Variants in USP9Y observed in about 807,000 individuals in gnomAD.
USP9Y encodes the protein ubiquitin carboxyl-terminal hydrolase 9Y.
In USP9Y, 41 loss-of-function variants were observed where a neutral mutation model predicts 53.1. The ratio of observed to expected loss-of-function variants is 0.77; its 90% CI spans 0.60 to 1.00. The LOEUF (loss-of-function observed/expected upper bound fraction) is 1.00. USP9Y is among the 50% of genes least tolerant of loss of function. The pLI, the probability that USP9Y is intolerant of heterozygous loss-of-function variation, is 0.00. For synonymous variants in USP9Y, 220 were observed against 173.7 expected, an observed-to-expected ratio of 1.27 and a Z score of -2.09; for missense variants, 567 against 535.8, an observed-to-expected ratio of 1.06 and a Z score of -0.58.
intron 22 of USP9Y, among the ~76,000 whole-genome samples, chrY:12,782,863 T>C: frequency 2.9e-5 from 1 of 33,957 alleles, no homozygotes; most frequent in African/African-American, 1.1e-4. Context: ...CTTAGCTCCA[T>C]GTTCTAGGTA....
chrY:12,809,413 A>T, intron 27 of USP9Y, among the ~76,000 whole-genome samples: 1 of 32,746 alleles, frequency 3.1e-5, no homozygotes, highest in South Asian at 7.1e-4. Flanking sequence ...CATAAATAGG[A>T]GGGACTTTTA....
intron 7 of USP9Y, among the ~76,000 whole-genome samples, chrY:12,732,701 G>A: frequency 3.2e-5 from 1 of 30,886 alleles, no homozygotes; most frequent in South Asian, 7.7e-4. Flanking sequence ...TGGTCAGGCT[G>A]GTCTTGAACT....
intron 12 of USP9Y, among the ~76,000 whole-genome samples, chrY:12,750,590 T>C: frequency 3.0e-5 from 1 of 33,617 alleles, no homozygotes; most frequent in Admixed American, 2.7e-4. Flanking sequence ...TCCTAGTTTA[T>C]TGAGTATTTT....
At chrY:12,716,330 A>C in intron 3 of USP9Y, among the ~76,000 whole-genome samples, 1 of 34,029 alleles carries the variant, frequency 2.9e-5, no homozygotes, top group Admixed American at 2.6e-4. Context: ...CTTGAATGAA[A>C]TGTTTTGTGG....
intron 33 of USP9Y, among the ~76,000 whole-genome samples, chrY:12,831,486 G>A: frequency 3.0e-5 from 1 of 33,198 alleles, no homozygotes; most frequent in African/African-American, 1.2e-4. Context: ...AAGTACAGCC[G>A]GGTGTGGTGG....
At chrY:12,759,594 G>T (rs2053472914) in intron 14 of USP9Y, among the ~76,000 whole-genome samples, 1 of 32,302 alleles carries the variant, frequency 3.1e-5, no homozygotes, top group African/African-American at 1.2e-4. Context: ...CTACTTGGGA[G>T]GCTGAGGCAG....
chrY:12,727,626 G>T (rs2053443874), intron 7 of USP9Y, among the ~76,000 whole-genome samples: 1 of 31,770 alleles, frequency 3.1e-5, no homozygotes, highest in East Asian at 8.2e-4. Flanking sequence ...AATATTTAGC[G>T]CATGAAAAAA....
At chrY:12,839,781 A>T in intron 35 of USP9Y, 83 bp from the exon 36 acceptor site, 1 of 289,249 alleles carries the variant, frequency 3.5e-6, no homozygotes, top group Non-Finnish European at 5.2e-6. Flanking sequence ...AATAGACTGT[A>T]AACTTTAAAA....
chrY:12,831,279 T>G lies in USP9Y; in HGVS notation c.5022-2409T>G, dbSNP rs779379012. On this transcript the variant is annotated intron_variant, in intron 33 of 45. Coordinates refer to ENST00000338981, the MANE Select transcript of USP9Y (RefSeq NM_004654.4). ...GAGGTACATATAAAAATGTTCAATA[T>G]TACTAATCATAAAGGCAATGCACAA... Among the ~76,000 whole-genome samples the G allele has an allele frequency of 1.2e-4, 4 of 33,580 alleles. No homozygotes were observed. The South Asian group carries it at 2.6e-3, about 22-fold the overall frequency. The allele number at this position is 33,580 out of a possible 37,273, so 90.1% of individuals were successfully genotyped here. A position where few individuals can be genotyped will look rare whatever the true frequency, so the allele number is the denominator to read the frequency against.
intron 36 of USP9Y, 54 bp downstream of exon 36, chrY:12,840,668 A>C (rs2053560250): frequency 6.5e-5 from 22 of 339,761 alleles, no homozygotes; most frequent in African/African-American, 1.4e-4. Context: ...TTTGGCTTCT[A>C]GGATACCTTA....
chrY:12,776,851 C>G lies in USP9Y; in HGVS notation c.2630C>G (p.Pro877Arg), dbSNP rs745827535. The change falls in exon 19 of 46, where the codon CCT becomes CGT. Residue 877 changes from proline (P) to arginine (R), a missense_variant. By Grantham distance (103) the Pro-to-Arg change is moderately radical (BLOSUM62 -2). Transcript: ENST00000338981. ...SDYHKERMIL[P>R]MSRAFRGKHL... Reference sequence around the variant, plus strand: ...TATCACAAGGAAAGAATGATTCTACCTATGTCGAGGTTTGTGTGAAGTTGA... The same window carrying G: ...TATCACAAGGAAAGAATGATTCTACGTATGTCGAGGTTTGTGTGAAGTTGA... 5.1e-6 allele frequency: 2 copies of G among 393,531 alleles called. No individual in the cohort carries two copies. Among genetic ancestry groups the G allele is most frequent in the Non-Finnish European group, 7.2e-6 (2 of 279,118 alleles).
intron 7 of USP9Y, among the ~76,000 whole-genome samples, chrY:12,732,855 CT>C: frequency 3.1e-5 from 1 of 32,715 alleles, no homozygotes; most frequent in Non-Finnish European, 7.5e-5. Flanking sequence ...TTCTAATTTT[CT>C]TTAGCCTCCT....
At chrY:12,835,626 A>T in intron 34 of USP9Y, among the ~76,000 whole-genome samples, 1 of 32,877 alleles carries the variant, frequency 3.0e-5, no homozygotes, top group Non-Finnish European at 7.5e-5. Context: ...CAGCTTGACC[A>T]GTATAGTAAA....
chrY:12,729,496 A>G (rs2053445573), intron 7 of USP9Y, among the ~76,000 whole-genome samples: 1 of 32,332 alleles, frequency 3.1e-5, no homozygotes, highest in Non-Finnish European at 7.5e-5. Context: ...GCTAGAGTGC[A>G]GTGGTGTGAT....
At chrY:12,797,249 G>A (rs984080776) in intron 27 of USP9Y, among the ~76,000 whole-genome samples, 1 of 33,243 alleles carries the variant, frequency 3.0e-5, no homozygotes, top group Admixed American at 2.7e-4. Flanking sequence ...CCCATGGCCC[G>A]TGACACAGCC....
Position 12,840,276 on chromosome Y carries a change from A to T in USP9Y, c.5750A>T (p.Glu1917Val). The change falls in exon 36 of 46, where the codon GAA (glutamate) becomes GTA (valine). Residue 1917 changes from glutamate to valine, a missense_variant. Glu to Val is a moderately radical substitution (Grantham distance 121). Coordinates refer to ENST00000338981, the MANE Select transcript of USP9Y (RefSeq NM_004654.4). The part of the protein sequence containing the change: ...VTECKMDDDE[E>V]MKNQCFGGEY... ...GAATGCAAAATGGATGATGATGAAG[A>T]AATGAAAAATCAGTGTTTTGGTGGA... 2.5e-6 allele frequency: 1 copy of T among 398,863 alleles called. No individual in the cohort carries two copies. The highest frequency in any genetic ancestry group is 3.0e-5 in the South Asian group (1 of 33,788).
chrY:12,846,493 A>G lies in USP9Y; in HGVS notation c.6729A>G (p.Ser2243=). The G allele has an allele frequency of 2.5e-6, 1 of 398,297 alleles. No individual in the cohort carries two copies. The highest frequency in any genetic ancestry group is 3.5e-6 in the Non-Finnish European group (1 of 283,064). The part of the protein sequence containing the change: ...VSQLIRCCNV[S]STMQSSINGN... ...AGCTGATTCGTTGTTGCAATGTGTCATCAACAATGCAGTCTTCAATCAATG... is the reference window on the plus strand; with the variant it reads ...AGCTGATTCGTTGTTGCAATGTGTCGTCAACAATGCAGTCTTCAATCAATG... Residue 2243 remains serine (S), a synonymous_variant, in exon 40 of 46, where the codon TCA becomes TCG. Transcript: ENST00000338981.
chrY:12,755,783 A>G (rs2148283571), intron 12 of USP9Y, among the ~76,000 whole-genome samples: 1 of 33,019 alleles, frequency 3.0e-5, no homozygotes, highest in Admixed American at 2.8e-4. Context: ...AGATATTCAT[A>G]TGTTGTTTGA....
chrY:12,822,644 C>T (rs2053542918), intron 33 of USP9Y, among the ~76,000 whole-genome samples: 4 of 33,237 alleles, frequency 1.2e-4, no homozygotes, highest in Admixed American at 2.7e-4. Flanking sequence ...GGATTACAGG[C>T]GTGAGCCACA....
Sources: gnomAD v4.1 joint callset for allele counts (sites outside exome capture counted in the v4.1 genomes callset) on GRCh38, gnomAD v4.1.1 for gene constraint, MANE v1.5 for transcripts, NCBI Gene and HGNC (gene_info 2026-07-23, HGNC 2026-07-21) for gene names.